Variants in AGBL1 observed in about 807,000 individuals in gnomAD.
AGBL1 encodes the protein cytosolic carboxypeptidase 4.
AGBL1 carries 130 observed loss-of-function variants against 118.9 expected under a neutral mutation model. That is an observed-to-expected ratio of 1.09 (90% CI 0.95 to 1.26). The LOEUF (loss-of-function observed/expected upper bound fraction) is 1.26, where lower values mean the gene tolerates loss of function less well. Ranked by LOEUF, AGBL1 falls within the 50% of genes most tolerant of loss-of-function variation. The pLI is 0.00. For synonymous variants in AGBL1, 555 were observed against 478.9 expected (o/e 1.16, Z -2.08); for missense variants, 1,584 against 1,298.1 (o/e 1.22, Z -3.38).
chr15:86,772,394 C>A (rs930046317), intron 22 of AGBL1, among the ~76,000 whole-genome samples: 2 of 152,032 alleles, frequency 1.3e-5, no homozygotes, highest in Non-Finnish European at 2.9e-5. Context: ...GAGGTGAAGT[C>A]AAGATCATCA....
At chr15:86,978,872 T>C (rs4613035) in intron 23 of AGBL1, among the ~76,000 whole-genome samples, 112,156 of 152,106 alleles carry the variant, frequency 0.74, 41,453 homozygotes, top group South Asian at 0.86. Context: ...GTCCAGTGGA[T>C]CCAGTCAGGG....
At chr15:86,957,132 G>T (rs1436827321) in intron 23 of AGBL1, among the ~76,000 whole-genome samples, 1 of 151,984 alleles carries the variant, frequency 6.6e-6, no homozygotes, top group Non-Finnish European at 1.5e-5. Flanking sequence ...GTGCGTGTGG[G>T]ATCTGAAATC....
At chr15:86,758,966 CAAAAAAAAAAA>C (rs80297816) in intron 22 of AGBL1, among the ~76,000 whole-genome samples, 5 of 80,914 alleles carry the variant, frequency 6.2e-5, no homozygotes, top group African/African-American at 1.3e-4. Flanking sequence ...GACACCCTGT[CAAAAAAAAAAA>C]AAAAAAAGAA....
At chr15:86,276,774 G>T (rs1374145003) in intron 15 of AGBL1, among the ~76,000 whole-genome samples, 7 of 152,186 alleles carry the variant, frequency 4.6e-5, no homozygotes, top group Non-Finnish European at 8.8e-5. Flanking sequence ...AACATAGGAA[G>T]GATGAACATT....
intron 18 of AGBL1, among the ~76,000 whole-genome samples, chr15:86,419,564 G>GA (rs1555483077): frequency 6.8e-6 from 1 of 146,530 alleles, no homozygotes; most frequent in Non-Finnish European, 1.5e-5. Flanking sequence ...AGCTGCAGGA[G>GA]TTTTTTTTTT....
intron 22 of AGBL1, among the ~76,000 whole-genome samples, chr15:86,892,846 C>T (rs1474479618): frequency 6.6e-6 from 1 of 152,138 alleles, no homozygotes. Flanking sequence ...CTGACAAACA[C>T]AAAACCCTAG....
intron 22 of AGBL1, among the ~76,000 whole-genome samples, chr15:86,834,811 G>T (rs1385564302): frequency 6.6e-6 from 1 of 152,144 alleles, no homozygotes; most frequent in Non-Finnish European, 1.5e-5. Flanking sequence ...AGCGTGAGAT[G>T]CTATGAGACC....
rs939948859 is a variant in AGBL1 at position 86,306,651 on chromosome 15, T to C, written c.2374+11243T>C. 2.6e-5 allele frequency among the ~76,000 whole-genome samples: 4 copies of C among 152,198 alleles called. 1 individual carries two copies. The South Asian group carries it at 8.3e-4, about 31-fold the overall frequency. The stretch of plus-strand genomic sequence containing the variant: ...TAGGAGTGCAAATATCTCTTTGATA[T>C]ACTGATTTCCTTTCTTTTGAGTATA... On this transcript the variant is annotated intron_variant, in intron 17 of 22. Transcript: ENST00000614907.
chr15:86,284,289 C>CT (rs1322036660), intron 16 of AGBL1, among the ~76,000 whole-genome samples: 3 of 150,624 alleles, frequency 2.0e-5, no homozygotes, highest in Non-Finnish European at 4.4e-5. Flanking sequence ...TTTTCTTACT[C>CT]TTTTTTCCAA....
chr15:86,660,479 G>C (rs1054622373), intron 21 of AGBL1, among the ~76,000 whole-genome samples: 1 of 152,032 alleles, frequency 6.6e-6, no homozygotes, highest in African/African-American at 2.4e-5. Flanking sequence ...GGTAGGGGAC[G>C]TTTGCTCAAA....
At chr15:86,450,891 C>A (rs1880747993) in intron 18 of AGBL1, among the ~76,000 whole-genome samples, 1 of 152,100 alleles carries the variant, frequency 6.6e-6, no homozygotes, top group African/African-American at 2.4e-5. Flanking sequence ...ACTGATTAAT[C>A]AATAGATATT....
At chr15:86,599,724 C>T (rs895860243) in intron 21 of AGBL1, among the ~76,000 whole-genome samples, 2 of 152,052 alleles carry the variant, frequency 1.3e-5, no homozygotes, top group Non-Finnish European at 2.9e-5. Flanking sequence ...ATTCTTATTC[C>T]CCGATTCCTC....
chr15:86,355,817 C>G (rs988079863), intron 17 of AGBL1, among the ~76,000 whole-genome samples: 4 of 152,196 alleles, frequency 2.6e-5, no homozygotes, highest in African/African-American at 9.7e-5. Flanking sequence ...ACAGTGACAT[C>G]TCTTGGAGGT....
chr15:86,524,547 G>A (rs921244887), intron 19 of AGBL1, among the ~76,000 whole-genome samples: 2 of 152,174 alleles, frequency 1.3e-5, no homozygotes, highest in East Asian at 1.9e-4. Context: ...GTTTTTGTTG[G>A]GGGGTCAGTT....
At chr15:86,153,608 T>C (rs887634293) in intron 3 of AGBL1, among the ~76,000 whole-genome samples, 1 of 152,236 alleles carries the variant, frequency 6.6e-6, no homozygotes, top group Non-Finnish European at 1.5e-5. Flanking sequence ...TGTATACATA[T>C]GTAACAAACC....
At position 86,411,759 on chromosome 15, in the gene AGBL1, C is replaced by T. The variant is rs141005477; in HGVS notation, c.2555+14213C>T. On this transcript the variant is annotated intron_variant, in intron 18 of 22. Transcript: ENST00000614907. The stretch of plus-strand genomic sequence containing the variant: ...TTTGGCCATTTTTTTTGTCATTACT[C>T]TGCATAATAACAAGGAAACAAATCT... 2.5e-3 allele frequency among the ~76,000 whole-genome samples: 386 copies of T among 152,134 alleles called. 2 individuals carry two copies. The highest frequency in any genetic ancestry group is 9.0e-3 in the African/African-American group (375 of 41,504).
At chr15:86,761,476 G>T (rs958812451) in intron 22 of AGBL1, among the ~76,000 whole-genome samples, 2 of 151,982 alleles carry the variant, frequency 1.3e-5, no homozygotes, top group Non-Finnish European at 2.9e-5. Context: ...GTAGGTACAG[G>T]GATACAGAAA....
At chr15:86,393,084 C>A (rs574001056) in intron 17 of AGBL1, among the ~76,000 whole-genome samples, 1 of 152,130 alleles carries the variant, frequency 6.6e-6, no homozygotes, top group Non-Finnish European at 1.5e-5. Context: ...GAGAGGAAAG[C>A]CAACTAGAAC....
At chr15:86,450,284 C>G (rs368563325) in intron 18 of AGBL1, among the ~76,000 whole-genome samples, 5 of 152,202 alleles carry the variant, frequency 3.3e-5, no homozygotes, top group Non-Finnish European at 7.3e-5. Context: ...TATGTTTTTA[C>G]TCCACATTTT....
Sources: allele counts gnomAD v4.1 joint callset (sites outside exome capture counted in the v4.1 genomes callset), GRCh38; gene constraint gnomAD v4.1.1; transcripts MANE v1.5; gene names NCBI Gene and HGNC (gene_info 2026-07-23, HGNC 2026-07-21).